LRRC56: variants seen among roughly 807,000 people sequenced by gnomAD.
The protein encoded by LRRC56 is leucine rich repeat containing 56, also known as leucine-rich repeat-containing protein 56.
Under a neutral mutation model 47.8 loss-of-function variants are expected in LRRC56, and 41 were observed. The observed-to-expected ratio is 0.86, with a 90% CI of 0.67 to 1.11. The LOEUF (loss-of-function observed/expected upper bound fraction) is 1.11. LRRC56 is among the 50% of genes most tolerant of loss of function. The pLI is 0.00. For synonymous variants in LRRC56, 387 were observed against 311.2 expected (o/e 1.24, Z -2.56); for missense variants, 759 against 704.2 (o/e 1.08, Z -0.88).
chr11:554,610 C>T lies in LRRC56; in HGVS notation c.*334C>T, dbSNP rs1032001945. 2.5e-6 allele frequency: 1 copy of T among 404,670 alleles called. No individual in the cohort carries two copies. The highest frequency in any genetic ancestry group is 4.4e-6 in the Non-Finnish European group (1 of 226,772). The allele number at this position is 404,670 out of a possible 1,614,324, so 25.1% of individuals were successfully genotyped here. On this transcript the variant is annotated 3_prime_UTR_variant, in exon 14 of 14. Coordinates refer to ENST00000270115, the MANE Select transcript of LRRC56 (RefSeq NM_198075.4). ...AGAGGCCTCTCCTGCTAGAATTGGG[C>T]ATGGCCGAGGGGCAGGGGCTGGAGC...
chr11:509,714 ATTTTTTTTTTT>A, the LRRC56 span, among the ~76,000 whole-genome samples: 136 of 125,210 alleles, frequency 1.1e-3, no homozygotes, highest in Middle Eastern at 3.6e-3. Flanking sequence ...CGCCCGGCTA[ATTTTTTTTTTT>A]TTTTTTTTTT....
upstream of LRRC56, chr11:532,554 C>A: frequency 6.4e-7 from 1 of 1,560,318 alleles, no homozygotes; most frequent in Non-Finnish European, 8.6e-7. Flanking sequence ...CTGCTGACCG[C>A]AGGCCAGGAG....
upstream of LRRC56, among the ~76,000 whole-genome samples, chr11:536,567 C>T (rs1851502916): frequency 1.3e-5 from 2 of 152,146 alleles, no homozygotes; most frequent in African/African-American, 4.8e-5. Context: ...GTCAGGAGTT[C>T]AAGACCAGCC....
At chr11:551,856 G>GC in intron 10 of LRRC56, 29 bp downstream of exon 10, 1 of 1,609,448 alleles carries the variant, frequency 6.2e-7, no homozygotes, top group African/African-American at 1.3e-5. Flanking sequence ...AGCTGACCCT[G>GC]CAGCCCCTCG....
At chr11:518,282 C>T in the LRRC56 span, among the ~76,000 whole-genome samples, 6 of 151,746 alleles carry the variant, frequency 4.0e-5, no homozygotes, top group Admixed American at 6.6e-5. Context: ...CCCGGGTTCA[C>T]GCCATTCTCC....
upstream of LRRC56, among the ~76,000 whole-genome samples, chr11:536,191 G>C (rs1301526054): frequency 6.6e-6 from 1 of 152,236 alleles, no homozygotes; most frequent in Admixed American, 6.5e-5. Context: ...GCGCAGCCGT[G>C]TGCCCTGGGG....
intron 6 of LRRC56, among the ~76,000 whole-genome samples, chr11:548,386 T>C (rs1852196962): frequency 6.6e-6 from 1 of 152,130 alleles, no homozygotes; most frequent in African/African-American, 2.4e-5. Context: ...GCTCAGGTGC[T>C]CCTCCCACCT....
chr11:534,709 T>G, upstream of LRRC56: 1 of 303,616 alleles, frequency 3.3e-6, no homozygotes, highest in Non-Finnish European at 6.4e-6. Flanking sequence ...GGGCTGAGGT[T>G]ACCGTCCTCC....
chr11:544,389 C>T (rs866989930), intron 5 of LRRC56, among the ~76,000 whole-genome samples: 85 of 152,350 alleles, frequency 5.6e-4, no homozygotes, highest in African/African-American at 1.9e-3. Flanking sequence ...AGCTTCCCTG[C>T]TGTGTGGACA....
At chr11:542,221 C>T (rs1001704793) in intron 5 of LRRC56, among the ~76,000 whole-genome samples, 6 of 151,138 alleles carry the variant, frequency 4.0e-5, no homozygotes, top group Non-Finnish European at 8.8e-5. Context: ...CCAGTACCCC[C>T]GGCACGCTCA....
At chr11:532,554 C>G (rs1851165417), upstream of LRRC56, 1 of 1,560,318 alleles carries the variant, frequency 6.4e-7, no homozygotes, top group Non-Finnish European at 8.6e-7. Flanking sequence ...CTGCTGACCG[C>G]AGGCCAGGAG....
chr11:538,569 A>G (rs867517496), intron 1 of LRRC56, 29 bp from the exon 2 acceptor site: 6 of 152,372 alleles, frequency 3.9e-5, no homozygotes, highest in African/African-American at 1.2e-4. Context: ...CCCCGCTCCA[A>G]CACTCCCACC....
chr11:512,828 T>G, the LRRC56 span, among the ~76,000 whole-genome samples: 1 of 152,206 alleles, frequency 6.6e-6, no homozygotes, highest in South Asian at 2.1e-4. Flanking sequence ...AGACCCACAG[T>G]GGGGCTGAGC....
chr11:507,050 C>A, the LRRC56 span: 2 of 152,230 alleles, frequency 1.3e-5, no homozygotes, highest in Non-Finnish European at 2.9e-5. Flanking sequence ...CTACAAGAAG[C>A]CCGACCAAGG....
At chr11:527,762 GCGATCTCGGCTCA>G in the LRRC56 span, among the ~76,000 whole-genome samples, 1 of 142,798 alleles carries the variant, frequency 7.0e-6, no homozygotes, top group Non-Finnish European at 1.5e-5. Flanking sequence ...GTGCAATTCC[GCGATCTCGGCTCA>G]CCGCAACCTC....
At chr11:544,200 T>G (rs73401693) in intron 5 of LRRC56, among the ~76,000 whole-genome samples, 1,629 of 152,172 alleles carry the variant, frequency 0.011, 25 homozygotes, top group African/African-American at 0.034. Context: ...GGTCCTGTGT[T>G]GTGTGTGGGA....
upstream of LRRC56, chr11:533,981 C>T (rs746697013): frequency 1.4e-5 from 23 of 1,598,448 alleles, no homozygotes; most frequent in Non-Finnish European, 1.9e-5. Context: ...CCCTCAGGAC[C>T]TTCCGTGGGG....
chr11:541,706 C>A lies in LRRC56; in HGVS notation c.265+82C>A. On this transcript the variant is annotated intron_variant, in intron 5 of 13. Coordinates refer to ENST00000270115, the MANE Select transcript of LRRC56 (RefSeq NM_198075.4). This position sits in a 1 kb window ranked among gnomAD's most constrained non-coding sequence, Gnocchi z 4.1. ...AACACACGTTTCCTGGTTATGACGA[C>A]AAAGCTGTCCTCACCTCTCGGGCCG... 2 of 894,428 alleles carry A rather than the reference C, an allele frequency of 2.2e-6. No individual in the cohort carries two copies. Among genetic ancestry groups the A allele is most frequent in the South Asian group, 1.8e-5 (1 of 55,324 alleles). The allele number at this position is 894,428 out of a possible 1,614,324, so 55.4% of individuals were successfully genotyped here.
chr11:537,523 G>A (rs1002996949), upstream of LRRC56: 18 of 152,300 alleles, frequency 1.2e-4, no homozygotes, highest in African/African-American at 3.6e-4. Flanking sequence ...CGGAAGAACA[G>A]CCTGGAGTAG....
Sources: allele counts gnomAD v4.1 joint callset (sites outside exome capture counted in the v4.1 genomes callset), GRCh38; gene constraint gnomAD v4.1.1; non-coding constraint Gnocchi (gnomAD v3.1); transcripts MANE v1.5; gene names NCBI Gene and HGNC (gene_info 2026-07-23, HGNC 2026-07-21).